Variants in TENM4 observed in about 807,000 individuals in gnomAD.
The protein encoded by TENM4 is teneurin-4.
Under a neutral mutation model 243.3 loss-of-function variants are expected in TENM4, and 82 were observed. The observed-to-expected ratio is 0.34, with a 90% confidence interval of 0.28 to 0.40. TENM4 has a LOEUF of 0.40. TENM4 is among the 10% of genes least tolerant of loss of function. The probability of loss-of-function intolerance (pLI) is 1.00; values close to 1 mark genes in which losing one functional copy is unlikely to be tolerated. For synonymous variants in TENM4, 1,412 were observed against 1,456.3 expected, an observed-to-expected ratio of 0.97 and a Z score of 0.69; for missense variants, 3,138 against 3,673.3, an observed-to-expected ratio of 0.85 and a Z score of 3.77.
intron 4 of TENM4, among the ~76,000 whole-genome samples, chr11:79,146,527 C>A (rs1269608982): frequency 6.6e-6 from 1 of 152,058 alleles, no homozygotes; most frequent in African/African-American, 2.4e-5. Flanking sequence ...TTTTCCTACA[C>A]AGTCTCTCTA....
chr11:79,276,817 A>C (rs574549954), intron 2 of TENM4, among the ~76,000 whole-genome samples: 9 of 152,072 alleles, frequency 5.9e-5, no homozygotes, highest in Non-Finnish European at 1.2e-4. Context: ...TCTGCCACCC[A>C]CATCCTGGGG....
chr11:79,110,313 G>A (rs1304379604), intron 4 of TENM4, among the ~76,000 whole-genome samples: 1 of 152,182 alleles, frequency 6.6e-6, no homozygotes, highest in African/African-American at 2.4e-5. Flanking sequence ...ATCTGGTGCT[G>A]TTTGTCTCAC....
At chr11:78,726,889 A>T (rs1855523881) in intron 22 of TENM4, among the ~76,000 whole-genome samples, 1 of 152,216 alleles carries the variant, frequency 6.6e-6, no homozygotes, top group Admixed American at 6.5e-5. Context: ...GCCCAGTCTC[A>T]GGTATTTATA....
chr11:78,876,471 C>T (rs608681), intron 9 of TENM4, among the ~76,000 whole-genome samples: 146,499 of 152,314 alleles, frequency 0.96, 70,612 homozygotes, highest in Middle Eastern at 1. Context: ...TCTACCTTTG[C>T]TTAGGCTGTT....
intron 3 of TENM4, among the ~76,000 whole-genome samples, chr11:79,181,012 C>A (rs12290396): frequency 6.6e-6 from 1 of 151,802 alleles, no homozygotes; most frequent in East Asian, 1.9e-4. Flanking sequence ...CTACCAAACA[C>A]GTATGGAAGA....
At chr11:79,314,261 C>A (rs934220105) in intron 1 of TENM4, among the ~76,000 whole-genome samples, 2 of 152,218 alleles carry the variant, frequency 1.3e-5, no homozygotes, top group Non-Finnish European at 2.9e-5. Context: ...GCAATGGATA[C>A]TAATCACTAA....
intron 32 of TENM4, among the ~76,000 whole-genome samples, chr11:78,663,152 C>T (rs1031295853): frequency 6.6e-6 from 1 of 152,186 alleles, no homozygotes; most frequent in Admixed American, 6.5e-5. Flanking sequence ...TGTGTCCCAG[C>T]AGGCTCAGCC....
chr11:79,418,313 C>G (rs1025084453), intron 1 of TENM4, among the ~76,000 whole-genome samples: 7 of 152,248 alleles, frequency 4.6e-5, no homozygotes, highest in Non-Finnish European at 5.9e-5. Flanking sequence ...GTGGGGATTT[C>G]TTATCAACTT....
intron 3 of TENM4, among the ~76,000 whole-genome samples, chr11:79,172,023 C>T (rs1003518183): frequency 2.0e-5 from 3 of 152,162 alleles, no homozygotes; most frequent in Admixed American, 6.6e-5. Context: ...GTGATCATAG[C>T]GCATTATAAA....
intron 6 of TENM4, among the ~76,000 whole-genome samples, chr11:79,021,970 G>A (rs1483773932): frequency 6.6e-6 from 1 of 152,162 alleles, no homozygotes; most frequent in Non-Finnish European, 1.5e-5. Context: ...TGGCATGAGG[G>A]TGGCAGAGGA....
At chr11:79,420,550 G>A (rs1329395970) in intron 1 of TENM4, among the ~76,000 whole-genome samples, 2 of 152,210 alleles carry the variant, frequency 1.3e-5, no homozygotes, top group Non-Finnish European at 2.9e-5. Context: ...GAACTCTTAT[G>A]TGCTATTTAT....
intron 6 of TENM4, among the ~76,000 whole-genome samples, chr11:78,922,878 C>T (rs970636506): frequency 6.6e-6 from 1 of 152,194 alleles, no homozygotes; most frequent in Non-Finnish European, 1.5e-5. Context: ...ATGTATGATG[C>T]TAGCCTCCAG....
At chr11:79,403,955 A>G (rs1056494978) in intron 1 of TENM4, among the ~76,000 whole-genome samples, 1 of 152,232 alleles carries the variant, frequency 6.6e-6, no homozygotes, top group Non-Finnish European at 1.5e-5. Context: ...CCAGAGAATG[A>G]CAGTCAGCAT....
At chr11:79,308,484 T>C (rs1016999725) in intron 1 of TENM4, among the ~76,000 whole-genome samples, 1 of 152,238 alleles carries the variant, frequency 6.6e-6, no homozygotes, top group East Asian at 1.9e-4. Context: ...CAAAAATATC[T>C]GATTCCTCCT....
intron 5 of TENM4, among the ~76,000 whole-genome samples, chr11:79,067,437 GC>G: frequency 6.6e-6 from 1 of 152,118 alleles, no homozygotes; most frequent in East Asian, 1.9e-4. Context: ...TGTTCGGCCG[GC>G]CCTCTCAAAG....
intron 6 of TENM4, among the ~76,000 whole-genome samples, chr11:79,049,126 C>A: frequency 6.6e-6 from 1 of 152,130 alleles, no homozygotes; most frequent in East Asian, 1.9e-4. Flanking sequence ...AGCACTAGCA[C>A]CTTGCCTGGC....
intron 30 of TENM4, among the ~76,000 whole-genome samples, chr11:78,672,565 T>C (rs1173984154): frequency 6.6e-6 from 1 of 152,174 alleles, no homozygotes; most frequent in Non-Finnish European, 1.5e-5. Context: ...GTTGTGAGGA[T>C]GAAGATGATC....
chr11:78,864,800 C>T (rs1315495238), intron 9 of TENM4, among the ~76,000 whole-genome samples: 2 of 152,122 alleles, frequency 1.3e-5, no homozygotes, highest in African/African-American at 2.4e-5. Context: ...TCTGAAAGCC[C>T]ACTCCATGGC....
chr11:79,055,268 G>C (rs992143797), intron 6 of TENM4, among the ~76,000 whole-genome samples: 2 of 151,886 alleles, frequency 1.3e-5, no homozygotes, highest in African/African-American at 4.8e-5. Context: ...TTGAGATGCA[G>C]TCTCACTCTG....
Sources: allele counts gnomAD v4.1 joint callset (sites outside exome capture counted in the v4.1 genomes callset), GRCh38; gene constraint gnomAD v4.1.1; transcripts MANE v1.5; gene names NCBI Gene and HGNC (gene_info 2026-07-23, HGNC 2026-07-21).